The following WWOX variants were observed in gnomAD, a reference collection of about 807,000 sequenced individuals.
WWOX encodes the protein WW domain-containing oxidoreductase.
In WWOX, 69 loss-of-function variants were observed where a neutral mutation model predicts 46.2. That is an observed-to-expected ratio of 1.49 (90% CI 1.23 to 1.82). The LOEUF (loss-of-function observed/expected upper bound fraction) is 1.82, where lower values mean the gene tolerates loss of function less well. Among genes scored for constraint, WWOX ranks in the 40% most tolerant of loss-of-function variants. The pLI, the probability that WWOX is intolerant of heterozygous loss-of-function variation, is 0.00. For synonymous variants in WWOX, 359 were observed against 202.6 expected (o/e 1.77, Z -6.56); for missense variants, 919 against 542.6 (o/e 1.69, Z -6.89).
intron 8 of WWOX, among the ~76,000 whole-genome samples, chr16:78,634,837 AGTGT>A (rs59374463): frequency 0.017 from 1,940 of 111,666 alleles, 20 homozygotes; most frequent in African/African-American, 0.038. Flanking sequence ...AGAGAGAGAG[AGTGT>A]GTGTGTGTGT....
chr16:79,206,447 TC>T (rs1350601911), intron 8 of WWOX: 1 of 152,196 alleles, frequency 6.6e-6, no homozygotes, highest in East Asian at 1.9e-4. Flanking sequence ...CAGGTAGGCT[TC>T]TCTCTAAATA....
chr16:78,641,959 C>T (rs1266864674), intron 8 of WWOX, among the ~76,000 whole-genome samples: 2 of 152,118 alleles, frequency 1.3e-5, no homozygotes, highest in African/African-American at 2.4e-5. Flanking sequence ...GATTATTCCT[C>T]CCCTTTTATC....
At chr16:78,463,693 C>T (rs962734122) in intron 8 of WWOX, among the ~76,000 whole-genome samples, 1 of 152,218 alleles carries the variant, frequency 6.6e-6, no homozygotes, top group Admixed American at 6.5e-5. Context: ...GGCTGATACT[C>T]TGTCATCTGG....
At chr16:78,483,011 A>G (rs899732991) in intron 8 of WWOX, among the ~76,000 whole-genome samples, 4 of 152,096 alleles carry the variant, frequency 2.6e-5, no homozygotes, top group African/African-American at 9.7e-5. Flanking sequence ...GGAGTCAAAC[A>G]TTTAGTGTGG....
intron 6 of WWOX, among the ~76,000 whole-genome samples, chr16:78,392,521 C>A (rs914818558): frequency 2.0e-5 from 3 of 152,120 alleles, no homozygotes; most frequent in Admixed American, 6.6e-5. Context: ...AAGCCACCCC[C>A]ACTCCTTTGA....
chr16:79,001,265 GGCCTCCCC>G (rs2047087541), intron 8 of WWOX, among the ~76,000 whole-genome samples: 1 of 152,074 alleles, frequency 6.6e-6, no homozygotes. Context: ...CCAAGACAAA[GGCCTCCCC>G]GCCCCCCTAA....
chr16:79,035,952 T>C (rs2047857842), intron 8 of WWOX, among the ~76,000 whole-genome samples: 1 of 152,242 alleles, frequency 6.6e-6, no homozygotes, highest in Non-Finnish European at 1.5e-5. Flanking sequence ...TAGAAGGCCA[T>C]GCCTACATTG....
chr16:78,135,838 C>G (rs1385854155), intron 4 of WWOX, among the ~76,000 whole-genome samples: 1 of 152,094 alleles, frequency 6.6e-6, no homozygotes, highest in Non-Finnish European at 1.5e-5. Flanking sequence ...AGCACATGTA[C>G]CTCTATGTGA....
chr16:78,445,846 C>G (rs1045005500), intron 8 of WWOX, among the ~76,000 whole-genome samples: 3 of 150,682 alleles, frequency 2.0e-5, no homozygotes, highest in Non-Finnish European at 4.4e-5. Context: ...CCACTGTACT[C>G]CAGCCTGGGT....
At chr16:79,018,723 C>G (rs529026277) in intron 8 of WWOX, among the ~76,000 whole-genome samples, 2 of 152,326 alleles carry the variant, frequency 1.3e-5, no homozygotes, top group East Asian at 1.9e-4. Context: ...ATTGATTCTG[C>G]AGAGCCATAA....
intron 8 of WWOX, among the ~76,000 whole-genome samples, chr16:78,789,592 C>G (rs1351090377): frequency 6.6e-6 from 1 of 152,128 alleles, no homozygotes; most frequent in Non-Finnish European, 1.5e-5. Flanking sequence ...AATTCTCCAA[C>G]TTTGTTCTTC....
intron 8 of WWOX, among the ~76,000 whole-genome samples, chr16:78,910,104 G>A (rs563865626): frequency 1.2e-4 from 18 of 149,294 alleles, no homozygotes; most frequent in African/African-American, 3.2e-4. Context: ...TGTGGTGATC[G>A]TTTGTGCTTT....
At chr16:78,775,220 C>A (rs549243731) in intron 8 of WWOX, among the ~76,000 whole-genome samples, 1 of 152,196 alleles carries the variant, frequency 6.6e-6, no homozygotes, top group Non-Finnish European at 1.5e-5. Flanking sequence ...GAAAGATTAT[C>A]AGGACTGTAT....
At chr16:78,658,050 T>TG (rs936195505) in intron 8 of WWOX, among the ~76,000 whole-genome samples, 2 of 152,028 alleles carry the variant, frequency 1.3e-5, no homozygotes, top group Non-Finnish European at 2.9e-5. Flanking sequence ...GATTCTTTGT[T>TG]GGGGGGGATT....
At chr16:78,946,219 C>T (rs889507047) in intron 8 of WWOX, among the ~76,000 whole-genome samples, 2 of 152,050 alleles carry the variant, frequency 1.3e-5, no homozygotes, top group African/African-American at 4.8e-5. Flanking sequence ...GAGACTGAGT[C>T]TTGCTCTGTC....
intron 8 of WWOX, among the ~76,000 whole-genome samples, chr16:78,510,425 T>C (rs1331591948): frequency 1.3e-5 from 2 of 152,110 alleles, no homozygotes; most frequent in African/African-American, 4.8e-5. Context: ...GGTTGGCCAG[T>C]ATGGTCTCAA....
At chr16:78,528,165 ATTTTTTT>A (rs56803717) in intron 8 of WWOX, among the ~76,000 whole-genome samples, 6 of 58,394 alleles carry the variant, frequency 1.0e-4, no homozygotes, top group East Asian at 5.3e-4. Flanking sequence ...CACCTGGCTA[ATTTTTTT>A]TTTTTTTTTT....
At chr16:78,159,032 G>T (rs892221487) in intron 4 of WWOX, among the ~76,000 whole-genome samples, 2 of 152,042 alleles carry the variant, frequency 1.3e-5, no homozygotes, top group Middle Eastern at 3.2e-3. Flanking sequence ...TGTAGTATTT[G>T]TCCTTCTGTG....
chr16:78,431,420 T>G (rs904844203), intron 7 of WWOX, among the ~76,000 whole-genome samples: 1 of 152,194 alleles, frequency 6.6e-6, no homozygotes, highest in East Asian at 1.9e-4. Context: ...CTATAATTTC[T>G]TGGATGCTCA....
Sources: gnomAD v4.1 joint callset for allele counts (sites outside exome capture counted in the v4.1 genomes callset) on GRCh38, gnomAD v4.1.1 for gene constraint, MANE v1.5 for transcripts, NCBI Gene and HGNC (gene_info 2026-07-23, HGNC 2026-07-21) for gene names.